Variants in MICAL3 observed in about 807,000 individuals in gnomAD.
MICAL3 encodes the protein [F-actin]-monooxygenase MICAL3.
In MICAL3, 62 loss-of-function variants were observed where a neutral mutation model predicts 207.4. The ratio of observed to expected loss-of-function variants is 0.30; its 90% CI spans 0.24 to 0.37. The LOEUF (loss-of-function observed/expected upper bound fraction) is 0.37. Among genes scored for constraint, MICAL3 ranks in the 10% least tolerant of loss-of-function variants. The pLI, the probability that MICAL3 is intolerant of heterozygous loss-of-function variation, is 1.00. For synonymous variants in MICAL3, 1,077 were observed against 1,069.3 expected (o/e 1.01, Z -0.14); for missense variants, 2,368 against 2,635.6 (o/e 0.90, Z 2.22).
At chr22:17,936,525 G>C (rs539823923) in intron 1 of MICAL3, among the ~76,000 whole-genome samples, 1 of 150,310 alleles carries the variant, frequency 6.7e-6, no homozygotes, top group East Asian at 2.0e-4. Context: ...GTATACCTAC[G>C]TATCAAACCT....
At chr22:17,896,633 T>C in intron 8 of MICAL3, 91 bp downstream of exon 8, 7 of 1,353,968 alleles carry the variant, frequency 5.2e-6, no homozygotes, top group Non-Finnish European at 7.2e-6. Context: ...TGTACAACAC[T>C]GCAGACGCTC....
At chr22:17,828,926 TCAAG>T (rs1048962240) in intron 21 of MICAL3, among the ~76,000 whole-genome samples, 6 of 152,124 alleles carry the variant, frequency 3.9e-5, no homozygotes, top group African/African-American at 1.4e-4. Flanking sequence ...GACAGCCTCT[TCAAG>T]CAACAGGGAA....
intron 19 of MICAL3, among the ~76,000 whole-genome samples, chr22:17,853,790 A>G (rs1925590603): frequency 6.6e-6 from 1 of 152,204 alleles, no homozygotes. Flanking sequence ...GCCACCACCA[A>G]AGGGTGTGCA....
chr22:17,925,517 A>C (rs1481220163), intron 1 of MICAL3, among the ~76,000 whole-genome samples: 1 of 152,226 alleles, frequency 6.6e-6, no homozygotes, highest in Non-Finnish European at 1.5e-5. Flanking sequence ...ATGTGAAAAA[A>C]GAAGTTGATA....
rs1362164821 is a variant in MICAL3, at chr22:17,904,842, G to A, written c.265-3C>T. On this transcript the variant is annotated splice_region_variant and splice_polypyrimidine_tract_variant and intron_variant, in intron 2 of 31. Coordinates refer to ENST00000441493, the MANE Select transcript of MICAL3 (RefSeq NM_015241.3). ...GGGCCAGCCCCAATGATGAGACACT[G>A]AAAAACACAGCTGCTTTCAGGGCAG... 3.1e-6 allele frequency: 5 copies of A among 1,608,746 alleles called. No homozygotes were observed. The highest frequency in any genetic ancestry group is 4.3e-6 in the Non-Finnish European group (5 of 1,175,298).
chr22:17,862,931 C>T, intron 19 of MICAL3: 1 of 985,392 alleles, frequency 1.0e-6, no homozygotes, highest in Non-Finnish European at 1.2e-6. Flanking sequence ...AACTCCCGTG[C>T]TATACCAAGT....
At chr22:17,925,799 A>G (rs1932907473) in intron 1 of MICAL3, among the ~76,000 whole-genome samples, 1 of 152,100 alleles carries the variant, frequency 6.6e-6, no homozygotes, top group Non-Finnish European at 1.5e-5. Flanking sequence ...TCTCTTCACC[A>G]TGACAGATCT....
intron 1 of MICAL3, among the ~76,000 whole-genome samples, chr22:17,939,598 T>C (rs1027486602): frequency 2.0e-5 from 3 of 152,184 alleles, no homozygotes; most frequent in Non-Finnish European, 2.9e-5. Flanking sequence ...CAACCCTCTA[T>C]ACCTTATGAA....
At chr22:17,895,866 G>A (rs1255983924) in intron 9 of MICAL3, among the ~76,000 whole-genome samples, 1 of 152,150 alleles carries the variant, frequency 6.6e-6, no homozygotes, top group South Asian at 2.1e-4. Context: ...TAAGGCATTA[G>A]TTCTTTATCA....
chr22:17,812,457 A>G (rs937791147), intron 27 of MICAL3: 30 of 965,458 alleles, frequency 3.1e-5, no homozygotes, highest in Non-Finnish European at 3.6e-5. Flanking sequence ...CGGGTGGTTA[A>G]TCACAGACAT....
chr22:17,982,587 C>G (rs897306342), intron 1 of MICAL3, among the ~76,000 whole-genome samples: 80 of 152,092 alleles, frequency 5.3e-4, no homozygotes, highest in African/African-American at 1.7e-3. Flanking sequence ...AGGAGAATCG[C>G]TTGAACCAAG....
In MICAL3 at chr22:17,887,152, T is replaced by TC. The variant is rs1569116405; in HGVS notation, c.2067+17dup. 1 of 1,608,006 alleles carries TC rather than the reference T, an allele frequency of 6.2e-7. No individual in the cohort carries two copies. The highest frequency in any genetic ancestry group is 8.5e-7 in the Non-Finnish European group (1 of 1,174,930). On this transcript the variant is annotated intron_variant, in intron 15 of 31. Coordinates refer to ENST00000441493, the MANE Select transcript of MICAL3 (RefSeq NM_015241.3). Reference sequence around the variant, plus strand: ...TATTCCACATGACCATTCTAGCAATTCCCCAAGTGAATCTCACCTCCTCTG... The same window carrying TC: ...TATTCCACATGACCATTCTAGCAATTCCCCCAAGTGAATCTCACCTCCTCTG...
intron 1 of MICAL3, among the ~76,000 whole-genome samples, chr22:17,958,832 T>G: frequency 6.6e-6 from 1 of 151,548 alleles, no homozygotes; most frequent in East Asian, 1.9e-4. Context: ...GCCTCCTGAG[T>G]AGCTGAGATT....
rs894821391 is a variant in MICAL3 at position 17,891,348 on chromosome 22, T to G, written c.1694+137A>C. ...ATACAGAGTTTCAAATATAGTGAAATCAAAATCACTGCCTTCTAGAGAAAG... is the reference window on the plus strand; with the variant it reads ...ATACAGAGTTTCAAATATAGTGAAAGCAAAATCACTGCCTTCTAGAGAAAG... On this transcript the variant is annotated intron_variant, in intron 12 of 31. Transcript: ENST00000441493. The G allele has an allele frequency of 3.6e-5, 25 of 700,742 alleles. No homozygotes were observed. In the East Asian group the frequency reaches 5.4e-4, roughly 15 times the overall value. 43.4% of individuals were successfully genotyped at this position (700,742 alleles called of 1,614,324 possible).
intron 20 of MICAL3, among the ~76,000 whole-genome samples, chr22:17,835,084 A>C (rs1232685973): frequency 6.6e-6 from 1 of 152,234 alleles, no homozygotes; most frequent in African/African-American, 2.4e-5. Context: ...CTGCACAGGC[A>C]CAATGTGGGC....
chr22:17,804,694 A>G (rs1488663072), intron 29 of MICAL3, among the ~76,000 whole-genome samples: 1 of 152,108 alleles, frequency 6.6e-6, no homozygotes, highest in Non-Finnish European at 1.5e-5. Flanking sequence ...CCAGAATCAT[A>G]AAGACACACA....
intron 1 of MICAL3, among the ~76,000 whole-genome samples, chr22:17,959,052 G>C (rs1353396587): frequency 8.6e-6 from 1 of 116,352 alleles, no homozygotes; most frequent in East Asian, 2.6e-4. Flanking sequence ...GTCTCGCTCT[G>C]TTGCCCAGGC....
intron 1 of MICAL3, among the ~76,000 whole-genome samples, chr22:17,935,971 G>A (rs927186524): frequency 3.9e-5 from 6 of 152,194 alleles, no homozygotes; most frequent in African/African-American, 1.4e-4. Flanking sequence ...CTTTTACACT[G>A]TTGGTGGGAG....
intron 16 of MICAL3, among the ~76,000 whole-genome samples, chr22:17,880,926 T>C (rs1389470225): frequency 2.0e-5 from 3 of 152,198 alleles, no homozygotes; most frequent in African/African-American, 7.2e-5. Context: ...GGGCCTCGGA[T>C]GCACGACAAA....
Sources: allele counts gnomAD v4.1 joint callset (sites outside exome capture counted in the v4.1 genomes callset), GRCh38; gene constraint gnomAD v4.1.1; transcripts MANE v1.5; gene names NCBI Gene and HGNC (gene_info 2026-07-23, HGNC 2026-07-21).